PAPPA2: variants seen among roughly 807,000 people sequenced by gnomAD.
PAPPA2 encodes the protein pappalysin-2.
PAPPA2 carries 86 observed loss-of-function variants against 176.4 expected under a neutral mutation model. The observed-to-expected ratio is 0.49, with a 90% CI of 0.41 to 0.58. The LOEUF (loss-of-function observed/expected upper bound fraction) is 0.58, where lower values mean the gene tolerates loss of function less well. Ranked by LOEUF, PAPPA2 falls within the 20% of genes least tolerant of loss-of-function variation. The pLI is 0.00. For missense variants in PAPPA2, 2,073 were observed against 2,256.9 expected (o/e 0.92, Z 1.65); for synonymous variants, 809 against 852.2 (o/e 0.95, Z 0.88).
chr1:176,600,248 A>G (rs980927324), intron 3 of PAPPA2, among the ~76,000 whole-genome samples: 1 of 152,132 alleles, frequency 6.6e-6, no homozygotes, highest in African/African-American at 2.4e-5. Context: ...TTTCTTTGTC[A>G]TGGTTTAGAT....
At chr1:176,651,321 T>C (rs1033870173) in intron 3 of PAPPA2, among the ~76,000 whole-genome samples, 1 of 151,648 alleles carries the variant, frequency 6.6e-6, no homozygotes, top group Non-Finnish European at 1.5e-5. Flanking sequence ...TCAGTAGTGA[T>C]GAATTCTGTC....
At chr1:176,503,159 A>T (rs1315483961) in intron 1 of PAPPA2, among the ~76,000 whole-genome samples, 1 of 152,106 alleles carries the variant, frequency 6.6e-6, no homozygotes, top group Non-Finnish European at 1.5e-5. Flanking sequence ...CTACTCCACC[A>T]TCCAGACACT....
intron 1 of PAPPA2, among the ~76,000 whole-genome samples, chr1:176,464,935 C>G (rs987150132): frequency 1.3e-5 from 2 of 152,156 alleles, no homozygotes; most frequent in Non-Finnish European, 2.9e-5. Flanking sequence ...GTGGTTATTG[C>G]TGGATAGGTG....
chr1:176,711,712 A>T (rs530029613), intron 11 of PAPPA2, 123 bp from the exon 12 acceptor site: 2 of 1,119,940 alleles, frequency 1.8e-6, no homozygotes. Flanking sequence ...TTTTCTGCCA[A>T]TAATGTGATC....
chr1:176,609,748 C>T (rs551351506), intron 3 of PAPPA2, among the ~76,000 whole-genome samples: 1 of 152,274 alleles, frequency 6.6e-6, no homozygotes, highest in Admixed American at 6.5e-5. Context: ...AGAGTGGTAC[C>T]TGTGGATGAT....
chr1:176,508,139 T>A, intron 1 of PAPPA2, among the ~76,000 whole-genome samples: 1 of 152,158 alleles, frequency 6.6e-6, no homozygotes, highest in East Asian at 1.9e-4. Flanking sequence ...CTTCCAGTAA[T>A]GTAATTGTTT....
chr1:176,721,717 A>G (rs1204791261), intron 12 of PAPPA2, among the ~76,000 whole-genome samples: 1 of 152,014 alleles, frequency 6.6e-6, no homozygotes, highest in Non-Finnish European at 1.5e-5. Context: ...TGTCTTCAAC[A>G]GTCTTTCTAT....
chr1:176,756,061 C>T (rs371604068), intron 14 of PAPPA2, among the ~76,000 whole-genome samples: 17 of 152,088 alleles, frequency 1.1e-4, no homozygotes, highest in Non-Finnish European at 2.4e-4. Flanking sequence ...CGGGTTCAAG[C>T]GATTCTCCTG....
intron 2 of PAPPA2, among the ~76,000 whole-genome samples, chr1:176,589,807 G>C (rs973080729): frequency 6.6e-6 from 1 of 152,204 alleles, no homozygotes; most frequent in Non-Finnish European, 1.5e-5. Flanking sequence ...GTTTCACCAA[G>C]TATATTGTAT....
intron 1 of PAPPA2, among the ~76,000 whole-genome samples, chr1:176,478,087 C>A (rs755382299): frequency 1.3e-5 from 2 of 152,202 alleles, no homozygotes; most frequent in Non-Finnish European, 2.9e-5. Context: ...TGCGTAGGAA[C>A]TATAGCTGAA....
rs551101751 is a variant in PAPPA2 at position 176,648,720 on chromosome 1, T to C, written c.1992-22250T>C. 1.1e-4 allele frequency among the ~76,000 whole-genome samples: 17 copies of C among 151,818 alleles called. No individual in the cohort carries two copies. The East Asian group carries it at 3.1e-3, about 28-fold the overall frequency. On this transcript the variant is annotated intron_variant, in intron 3 of 22. Transcript: ENST00000367662. Reference sequence around the variant, plus strand: ...TGGCTTTTGTTCTTGGTTATGTTAATGTAATGTATCATGTTTATTGATTTG... The same window carrying C: ...TGGCTTTTGTTCTTGGTTATGTTAACGTAATGTATCATGTTTATTGATTTG...
At chr1:176,685,717 A>G (rs533499602) in intron 4 of PAPPA2, among the ~76,000 whole-genome samples, 2 of 152,336 alleles carry the variant, frequency 1.3e-5, no homozygotes, top group Non-Finnish European at 2.9e-5. Context: ...TGATGATGGC[A>G]GGAAGGGATT....
intron 2 of PAPPA2, among the ~76,000 whole-genome samples, chr1:176,572,630 CA>C (rs1351176529): frequency 6.6e-6 from 1 of 151,582 alleles, no homozygotes; most frequent in African/African-American, 2.4e-5. Context: ...GAGACAAAAA[CA>C]AAAAACAAAA....
intron 12 of PAPPA2, among the ~76,000 whole-genome samples, chr1:176,738,829 TG>T (rs911967072): frequency 4.0e-4 from 61 of 152,246 alleles, no homozygotes; most frequent in African/African-American, 1.0e-3. Context: ...CTCTCTAAGA[TG>T]TTTTTTTTCT....
At chr1:176,702,436 CT>C (rs1366980659) in intron 8 of PAPPA2, among the ~76,000 whole-genome samples, 170 bp from the exon 9 acceptor site, 4 of 152,376 alleles carry the variant, frequency 2.6e-5, no homozygotes, top group East Asian at 1.9e-4. Context: ...TTCAAACCTT[CT>C]GGTGCTCGGG....
intron 1 of PAPPA2, among the ~76,000 whole-genome samples, chr1:176,543,619 A>G (rs897205201): frequency 1.3e-5 from 2 of 152,072 alleles, no homozygotes; most frequent in African/African-American, 2.4e-5. Context: ...CTAGGTCAGA[A>G]CACCCCCACC....
intron 3 of PAPPA2, among the ~76,000 whole-genome samples, chr1:176,642,017 A>G (rs1657123122): frequency 6.6e-6 from 1 of 151,964 alleles, no homozygotes; most frequent in South Asian, 2.1e-4. Flanking sequence ...AATCAGAGAT[A>G]AAAATTGTGA....
chr1:176,579,158 A>G (rs547657111), intron 2 of PAPPA2, among the ~76,000 whole-genome samples: 2 of 152,276 alleles, frequency 1.3e-5, no homozygotes, highest in South Asian at 2.1e-4. Context: ...AGGGTGAGCA[A>G]TCAGAGCATT....
chr1:176,547,485 A>G (rs1393224546), intron 1 of PAPPA2, among the ~76,000 whole-genome samples: 8 of 152,282 alleles, frequency 5.3e-5, no homozygotes, highest in African/African-American at 1.4e-4. Context: ...CCCTGCCTCA[A>G]TGACATCTGC....
Sources: allele counts gnomAD v4.1 joint callset (sites outside exome capture counted in the v4.1 genomes callset), GRCh38; gene constraint gnomAD v4.1.1; transcripts MANE v1.5; gene names NCBI Gene and HGNC (gene_info 2026-07-23, HGNC 2026-07-21).